The following GRIK3 variants were observed in gnomAD, a reference collection of about 807,000 sequenced individuals.
GRIK3 encodes the protein glutamate ionotropic receptor kainate type subunit 3, also known as glutamate receptor ionotropic, kainate 3.
Under a neutral mutation model 102.5 loss-of-function variants are expected in GRIK3, and 29 were observed. That is an observed-to-expected ratio of 0.28 (90% CI 0.21 to 0.39). GRIK3 has a LOEUF of 0.39. Among genes scored for constraint, GRIK3 ranks in the 10% least tolerant of loss-of-function variants. The pLI is 1.00. For missense variants in GRIK3, 908 were observed against 1,252.4 expected (o/e 0.73, Z 4.15); for synonymous variants, 511 against 504.9 (o/e 1.01, Z -0.16).
intron 8 of GRIK3, among the ~76,000 whole-genome samples, chr1:36,851,493 G>C (rs1439878804): frequency 2.0e-5 from 3 of 152,256 alleles, no homozygotes; most frequent in Non-Finnish European, 4.4e-5. Context: ...TCAGAGCCAA[G>C]CTCACTTTGA....
chr1:36,891,112 A>G lies in GRIK3; in HGVS notation c.116-16T>C, dbSNP rs769748317. On this transcript the variant is annotated splice_polypyrimidine_tract_variant and intron_variant, in intron 1 of 15. Transcript: ENST00000373091. Reference sequence around the variant, plus strand: ...AAGATTCCTCCTGTGAAAGATGAGTAAAATTGTGTGTGGTTGGGAGGAGGG... The same window carrying G: ...AAGATTCCTCCTGTGAAAGATGAGTGAAATTGTGTGTGGTTGGGAGGAGGG... 10 of 1,601,780 alleles carry G rather than the reference A, an allele frequency of 6.2e-6. No homozygotes were observed. The South Asian group carries it at 9.0e-5, about 14-fold the overall frequency.
At chr1:36,906,173 G>A (rs943150286) in intron 1 of GRIK3, among the ~76,000 whole-genome samples, 3 of 152,214 alleles carry the variant, frequency 2.0e-5, no homozygotes, top group South Asian at 2.1e-4. Flanking sequence ...AACCCCGCAG[G>A]GCAGCCGAGA....
At chr1:36,808,776 G>A (rs1207096553) in intron 13 of GRIK3, among the ~76,000 whole-genome samples, 3 of 152,140 alleles carry the variant, frequency 2.0e-5, no homozygotes, top group Admixed American at 6.5e-5. Context: ...ATGAAGTTTC[G>A]GGTAATTTGG....
At chr1:36,907,703 C>T (rs1034621527) in intron 1 of GRIK3, among the ~76,000 whole-genome samples, 1 of 152,106 alleles carries the variant, frequency 6.6e-6, no homozygotes, top group Non-Finnish European at 1.5e-5. Context: ...CCTCCACCCC[C>T]AAACTCAGTA....
At chr1:37,033,900 G>A (rs944850606) in intron 1 of GRIK3, 94 bp downstream of exon 1, 1 of 649,864 alleles carries the variant, frequency 1.5e-6, no homozygotes, top group Non-Finnish European at 2.7e-6. Context: ...CTCGGAGAGA[G>A]GTTAGGAAAA....
chr1:36,882,723 G>A (rs1344033914), intron 2 of GRIK3, among the ~76,000 whole-genome samples: 1 of 152,186 alleles, frequency 6.6e-6, no homozygotes, highest in Non-Finnish European at 1.5e-5. Context: ...GAACCTTCAA[G>A]GAAGTAACAG....
At chr1:36,923,766 A>G (rs530097834) in intron 1 of GRIK3, among the ~76,000 whole-genome samples, 19 of 152,238 alleles carry the variant, frequency 1.2e-4, no homozygotes, top group African/African-American at 3.4e-4. Context: ...GAGAAGCTGA[A>G]CCCCATCGGG....
intron 8 of GRIK3, among the ~76,000 whole-genome samples, chr1:36,852,769 T>C (rs1225889089): frequency 3.3e-5 from 5 of 152,278 alleles, no homozygotes; most frequent in Middle Eastern, 3.4e-3. Context: ...ACACAGCAAC[T>C]TGCAGGGTTG....
chr1:36,942,368 C>T (rs1201235638), intron 1 of GRIK3, among the ~76,000 whole-genome samples: 3 of 152,238 alleles, frequency 2.0e-5, no homozygotes, highest in African/African-American at 7.2e-5. Context: ...TGCGGAAACC[C>T]TTCACAGAGA....
At chr1:36,996,710 G>A (rs147700772) in intron 1 of GRIK3, among the ~76,000 whole-genome samples, 22 of 152,298 alleles carry the variant, frequency 1.4e-4, no homozygotes, top group Non-Finnish European at 2.5e-4. Flanking sequence ...GGGGAACAGC[G>A]GTGTCTCTGT....
intron 11 of GRIK3, among the ~76,000 whole-genome samples, chr1:36,820,176 C>A (rs965740993): frequency 1.3e-5 from 2 of 152,146 alleles, no homozygotes; most frequent in Non-Finnish European, 2.9e-5. Flanking sequence ...TTTATCAAAG[C>A]ATTGTTTGCA....
intron 1 of GRIK3, among the ~76,000 whole-genome samples, chr1:37,006,582 C>T (rs943348839): frequency 6.6e-6 from 1 of 152,248 alleles, no homozygotes; most frequent in Non-Finnish European, 1.5e-5. Context: ...TGAGTCAATG[C>T]CCCACAGGAC....
intron 1 of GRIK3, among the ~76,000 whole-genome samples, chr1:36,970,978 T>C (rs1187234239): frequency 6.6e-6 from 1 of 152,176 alleles, no homozygotes; most frequent in Non-Finnish European, 1.5e-5. Flanking sequence ...AAGCCCTTGT[T>C]GGGGAGCCAT....
At position 36,806,232 on chromosome 1, in the gene GRIK3, G is replaced by A. The variant is rs1642501032; in HGVS notation, c.2186C>T (p.Ala729Val). The change falls in exon 14 of 16, where the codon GCC becomes GTC. Residue 729 changes from alanine to valine, a missense_variant. Transcript: ENST00000373091. This position sits in a 1 kb window ranked among gnomAD's most constrained non-coding sequence, Gnocchi z 4.0. ...VKNNEEGIQR[A>V]LTADYALLME... ...GAGCAGCGCGTAGTCGGCCGTCAGG[G>A]CCCTCTGGATGCCCTCCTCGTTGTT... is the stretch of plus-strand genomic sequence containing the variant. 8.7e-6 allele frequency: 14 copies of A among 1,613,892 alleles called. No individual in the cohort carries two copies. Among genetic ancestry groups the A allele is most frequent in the Non-Finnish European group, 1.2e-5 (14 of 1,179,850 alleles).
chr1:36,806,153 C>G lies in GRIK3; in HGVS notation c.2265G>C (p.Gln755His), dbSNP rs745635327. 2 of 1,613,996 alleles carry G rather than the reference C, an allele frequency of 1.2e-6. No individual in the cohort carries two copies. Among genetic ancestry groups the G allele is most frequent in the Non-Finnish European group, 1.7e-6 (2 of 1,180,032 alleles). The change falls in exon 14 of 16, where the codon CAG becomes CAC. Residue 755 changes from glutamine to histidine, a missense_variant. By Grantham distance (24) the Gln-to-His change is conservative. Transcript: ENST00000373091. This position sits in a 1 kb window ranked among gnomAD's most constrained non-coding sequence, Gnocchi z 4.0. ...YVTQRNCNLTQIGGLIDSKGY... is the reference protein window; with the variant it reads ...YVTQRNCNLTHIGGLIDSKGY... ...CCTTGGAGTCAATGAGGCCCCCGAT[C>G]TGGGTGAGGTTGCAGTTCCTCTGCG...
In GRIK3 at chr1:36,982,081, C is replaced by T. The variant is rs59659258; in HGVS notation, c.115+51913G>A. Among the ~76,000 whole-genome samples the T allele has an allele frequency of 4.4e-3, 671 of 152,362 alleles. 9 individuals carry two copies. Among genetic ancestry groups the T allele is most frequent in the African/African-American group, 0.015 (642 of 41,594 alleles). ...TACTCCCTCCGGCTCCTGAATCCCACTCTTGCTGCCACAGCTCAGCCCACT... is the reference window on the plus strand; with the variant it reads ...TACTCCCTCCGGCTCCTGAATCCCATTCTTGCTGCCACAGCTCAGCCCACT... On this transcript the variant is annotated intron_variant, in intron 1 of 15. Transcript: ENST00000373091.
intron 1 of GRIK3, among the ~76,000 whole-genome samples, chr1:36,899,160 A>T (rs143270219): frequency 1.4e-3 from 218 of 152,316 alleles, no homozygotes; most frequent in African/African-American, 5.1e-3. Context: ...GGCACAGACA[A>T]GAAAAGAAAG....
rs1051025946 is a variant in GRIK3 at position 36,964,188 on chromosome 1, C to T, written c.115+69806G>A. Reference sequence around the variant, plus strand: ...GCGAGGTCTGGCACAGATGGACCAACTGTGTTGGGCTGCTGTACTCCTCTG... The same window carrying T: ...GCGAGGTCTGGCACAGATGGACCAATTGTGTTGGGCTGCTGTACTCCTCTG... On this transcript the variant is annotated intron_variant, in intron 1 of 15. Transcript: ENST00000373091. 2.0e-5 allele frequency among the ~76,000 whole-genome samples: 3 copies of T among 152,240 alleles called. 1 individual carries two copies. Among genetic ancestry groups the T allele is most frequent in the Non-Finnish European group, 4.4e-5 (3 of 68,040 alleles).
chr1:36,925,482 C>G (rs1405825229), intron 1 of GRIK3, among the ~76,000 whole-genome samples: 3 of 152,252 alleles, frequency 2.0e-5, no homozygotes, highest in African/African-American at 7.2e-5. Flanking sequence ...TTGGCAGCCA[C>G]CAGGAGAGAG....
Sources: gnomAD v4.1 joint callset for allele counts (sites outside exome capture counted in the v4.1 genomes callset) on GRCh38, gnomAD v4.1.1 for gene constraint, Gnocchi (gnomAD v3.1) non-coding constraint, MANE v1.5 for transcripts, NCBI Gene and HGNC (gene_info 2026-07-23, HGNC 2026-07-21) for gene names.